The following PAPOLG variants were observed in gnomAD, a reference collection of about 807,000 sequenced individuals.
PAPOLG encodes PAP-gamma.
A neutral mutation model predicts 99.0 loss-of-function variants in PAPOLG; 40 were observed. The observed-to-expected ratio is 0.40, with a 90% CI of 0.31 to 0.53. PAPOLG has a LOEUF of 0.53. Among genes scored for constraint, PAPOLG ranks in the 20% least tolerant of loss-of-function variants. The probability of loss-of-function intolerance (pLI) is 0.41; values close to 1 mark genes in which losing one functional copy is unlikely to be tolerated. For synonymous variants in PAPOLG, 310 were observed against 299.3 expected (o/e 1.04, Z -0.37); for missense variants, 675 against 884.1 (o/e 0.76, Z 3.00).
chr2:60,795,539 TTAAG>T (rs1382590050), intron 21 of PAPOLG, among the ~76,000 whole-genome samples: 2 of 152,052 alleles, frequency 1.3e-5, no homozygotes, highest in African/African-American at 4.8e-5. Flanking sequence ...GTGTGTAGTA[TTAAG>T]TGTGGTATGC....
intron 6 of PAPOLG, among the ~76,000 whole-genome samples, chr2:60,771,263 C>T (rs1295475532): frequency 6.6e-6 from 1 of 152,082 alleles, no homozygotes. Context: ...GAAATTTGCT[C>T]ATAAGGCTTT....
chr2:60,759,757 T>C (rs913504005), intron 1 of PAPOLG, among the ~76,000 whole-genome samples: 6 of 152,218 alleles, frequency 3.9e-5, no homozygotes, highest in Non-Finnish European at 5.9e-5. Flanking sequence ...GGTTGACTGC[T>C]TTTCAAAGAT....
intron 6 of PAPOLG, among the ~76,000 whole-genome samples, chr2:60,771,073 A>G (rs1314020258): frequency 6.6e-6 from 1 of 152,068 alleles, no homozygotes; most frequent in African/African-American, 2.4e-5. Context: ...CCACTTGTCC[A>G]TCTGCTTTCC....
chr2:60,776,282 TACTC>T (rs960484289), intron 8 of PAPOLG, among the ~76,000 whole-genome samples: 7 of 152,094 alleles, frequency 4.6e-5, no homozygotes, highest in Non-Finnish European at 8.8e-5. Flanking sequence ...GGCTTTAAAA[TACTC>T]AGTAAACCAT....
intron 2 of PAPOLG, 99 bp downstream of exon 2, chr2:60,760,394 A>G: frequency 8.5e-7 from 1 of 1,177,326 alleles, no homozygotes; most frequent in Non-Finnish European, 1.2e-6. Context: ...ATACAGGTGC[A>G]GAAATGACAA....
rs771489171 is a variant in PAPOLG at position 60,792,237 on chromosome 2, T to C, written c.1627T>C (p.Phe543Leu). ...CAGAGACACTGATAATGGAACACCT[T>C]TTAATTCTCCAGCGTCCAAGTCTGA... ...SSRDTDNGTP[F>L]NSPASKSDSP... Residue 543 changes from phenylalanine to leucine, a missense_variant, in exon 17 of 22, where the codon TTT becomes CTT. Transcript: ENST00000238714. 1.2e-6 allele frequency: 2 copies of C among 1,610,184 alleles called. No individual in the cohort carries two copies. The highest frequency in any genetic ancestry group is 1.7e-6 in the Non-Finnish European group (2 of 1,179,284).
At chr2:60,781,720 T>C (rs1375769116) in intron 10 of PAPOLG, 165 bp from the exon 11 acceptor site, 3 of 398,472 alleles carry the variant, frequency 7.5e-6, no homozygotes, top group Non-Finnish European at 1.0e-5. Flanking sequence ...ATCAGACATA[T>C]CCAACTTCAG....
Position 60,783,180 on chromosome 2 carries a change from C to G in PAPOLG, c.1137C>G (p.Ser379Arg). 1 of 1,590,742 alleles carries G rather than the reference C, an allele frequency of 6.3e-7. No homozygotes were observed. Among genetic ancestry groups the G allele is most frequent in the Non-Finnish European group, 8.6e-7 (1 of 1,169,478 alleles). ...KYRHYIVLTASASTEENHLEW... is the reference protein window; with the variant it reads ...KYRHYIVLTARASTEENHLEW... ...GACATTATATAGTATTGACTGCCAG[C>G]GCATCAACAGAAGAAAACCATCTAG... Residue 379 changes from serine to arginine, a missense_variant, in exon 13 of 22, where the codon AGC becomes AGG. Ser to Arg is a moderately radical substitution (Grantham distance 110). Transcript: ENST00000238714.
intron 6 of PAPOLG, among the ~76,000 whole-genome samples, chr2:60,770,941 G>A (rs1364461736): frequency 6.6e-6 from 1 of 152,122 alleles, no homozygotes; most frequent in Non-Finnish European, 1.5e-5. Flanking sequence ...TAATTTCTAA[G>A]AATACTATTT....
At chr2:60,760,385 T>C in intron 2 of PAPOLG, 90 bp downstream of exon 2, 1 of 1,237,308 alleles carries the variant, frequency 8.1e-7, no homozygotes, top group Non-Finnish European at 1.1e-6. Flanking sequence ...TGTCTCTAGA[T>C]ACAGGTGCAG....
At chr2:60,793,840 A>T in intron 18 of PAPOLG, 125 bp downstream of exon 18, 1 of 1,407,818 alleles carries the variant, frequency 7.1e-7, no homozygotes, top group Non-Finnish European at 9.6e-7. Context: ...GAGCCTGGGA[A>T]GTCAAGGCTG....
chr2:60,772,083 T>C (rs78781425), intron 7 of PAPOLG, among the ~76,000 whole-genome samples: 1,679 of 152,238 alleles, frequency 0.011, 14 homozygotes, highest in Non-Finnish European at 0.017. Context: ...TTAGGCCTGA[T>C]AGAAGACAGC....
chr2:60,785,288 G>A (rs1158589961), intron 13 of PAPOLG, among the ~76,000 whole-genome samples: 1 of 151,902 alleles, frequency 6.6e-6, no homozygotes, highest in South Asian at 2.1e-4. Context: ...ACAGGCGCCC[G>A]CACCTCGCCT....
rs899101552 is a variant in PAPOLG at position 60,799,075 on chromosome 2, G to A, written c.*1915G>A. On this transcript the variant is annotated 3_prime_UTR_variant, in exon 22 of 22. Transcript: ENST00000238714. ...AAAAATGAATGATTATGAAAGAACC[G>A]AAGAATTATCACCTGACTTCAACTT... 6.6e-5 allele frequency: 10 copies of A among 152,332 alleles called. No individual in the cohort carries two copies. The highest frequency in any genetic ancestry group is 1.2e-4 in the African/African-American group (5 of 41,444). 9.4% of individuals were successfully genotyped at this position (152,332 alleles called of 1,614,324 possible). A position where few individuals can be genotyped will look rare whatever the true frequency, so the allele number is the denominator to read the frequency against.
intron 8 of PAPOLG, among the ~76,000 whole-genome samples, chr2:60,776,286 C>G (rs1013794880): frequency 3.9e-5 from 6 of 152,004 alleles, no homozygotes; most frequent in African/African-American, 1.5e-4. Context: ...TTAAAATACT[C>G]AGTAAACCAT....
chr2:60,774,953 G>T, intron 7 of PAPOLG, 81 bp from the exon 8 acceptor site: 2 of 1,579,036 alleles, frequency 1.3e-6, no homozygotes, highest in East Asian at 2.3e-5. Flanking sequence ...TTTAGCATTC[G>T]AGAGTCTGGA....
intron 19 of PAPOLG, 62 bp from the exon 20 acceptor site, chr2:60,794,648 A>G: frequency 7.2e-7 from 1 of 1,395,274 alleles, no homozygotes; most frequent in Non-Finnish European, 1.0e-6. Context: ...TCCAGTTTAT[A>G]TAGATTTATA....
intron 11 of PAPOLG, 169 bp from the exon 12 acceptor site, chr2:60,782,517 A>C: frequency 2.4e-6 from 2 of 849,044 alleles, no homozygotes; most frequent in Non-Finnish European, 2.8e-6. Flanking sequence ...AGATAGATCC[A>C]CCACACTCCA....
rs1671741792 is a variant in PAPOLG at position 60,797,310 on chromosome 2, T to G, written c.*150T>G. The G allele has an allele frequency of 1.1e-6, 1 of 935,790 alleles. No individual in the cohort carries two copies. Among genetic ancestry groups the G allele is most frequent in the Non-Finnish European group, 1.6e-6 (1 of 624,440 alleles). 58.0% of individuals were successfully genotyped at this position (935,790 alleles called of 1,614,324 possible). A position where few individuals can be genotyped will look rare whatever the true frequency, so the allele number is the denominator to read the frequency against. The stretch of plus-strand genomic sequence containing the variant: ...TAACCTTGAAGTGGTTTTTGAACTG[T>G]CAAACTTTGACCTGTAGATGCTGTA... On this transcript the variant is annotated 3_prime_UTR_variant, in exon 22 of 22. Coordinates refer to ENST00000238714, the MANE Select transcript of PAPOLG (RefSeq NM_022894.4).
Sources: allele counts gnomAD v4.1 joint callset (sites outside exome capture counted in the v4.1 genomes callset), GRCh38; gene constraint gnomAD v4.1.1; transcripts MANE v1.5; gene names NCBI Gene and HGNC (gene_info 2026-07-23, HGNC 2026-07-21).